EFCAB13: variants seen among roughly 807,000 people sequenced by gnomAD.
EFCAB13 encodes EF-hand calcium-binding domain-containing protein 13.
EFCAB13 carries 91 observed loss-of-function variants against 110.2 expected under a neutral mutation model. That is an observed-to-expected ratio of 0.83 (90% confidence interval 0.70 to 0.98). EFCAB13 has a LOEUF of 0.98. Among genes scored for constraint, EFCAB13 ranks in the 50% least tolerant of loss-of-function variants. The pLI, the probability that EFCAB13 is intolerant of heterozygous loss-of-function variation, is 0.00. For missense variants in EFCAB13, 968 were observed against 1,119.4 expected (o/e 0.86, Z 1.93); for synonymous variants, 323 against 369.9 (o/e 0.87, Z 1.45).
chr17:47,368,222 A>G (rs2065559966), intron 10 of EFCAB13, among the ~76,000 whole-genome samples: 1 of 152,220 alleles, frequency 6.6e-6, no homozygotes, highest in Admixed American at 6.5e-5. Flanking sequence ...ATTTTGGAAG[A>G]GAAGAACAAA....
intron 17 of EFCAB13, among the ~76,000 whole-genome samples, chr17:47,398,031 GCCC>G (rs2065754381): frequency 7.6e-6 from 1 of 131,454 alleles, no homozygotes; most frequent in African/African-American, 3.3e-5. Flanking sequence ...ATCAGCCCCT[GCCC>G]GGCCAGCCGC....
intron 17 of EFCAB13, among the ~76,000 whole-genome samples, chr17:47,400,351 C>T (rs1420446810): frequency 6.6e-6 from 1 of 152,152 alleles, no homozygotes; most frequent in Non-Finnish European, 1.5e-5. Flanking sequence ...CAGCTCTATC[C>T]ATCCACATTT....
At chr17:47,329,649 T>C (rs1473360020) in intron 4 of EFCAB13, among the ~76,000 whole-genome samples, 1 of 152,158 alleles carries the variant, frequency 6.6e-6, no homozygotes, top group Non-Finnish European at 1.5e-5. Flanking sequence ...AATTTATACT[T>C]CACAGATGGC....
At chr17:47,329,620 T>G (rs1567778198) in intron 4 of EFCAB13, among the ~76,000 whole-genome samples, 1 of 152,194 alleles carries the variant, frequency 6.6e-6, no homozygotes, top group Non-Finnish European at 1.5e-5. Context: ...CATACCGGTT[T>G]GTTTTCCTTA....
Position 47,441,252 on chromosome 17 carries a change from T to C in EFCAB13, c.*538T>C, listed in dbSNP as rs1474557376. On this transcript the variant is annotated 3_prime_UTR_variant, in exon 25 of 25. Coordinates refer to ENST00000331493, the MANE Select transcript of EFCAB13 (RefSeq NM_152347.5). ...AACCCTCCCTAGAAAAAATGGATTC[T>C]GATTGGTTCTGGTTGCAGTATTACA... 6.6e-6 allele frequency: 1 copy of C among 152,234 alleles called. No individual in the cohort carries two copies. Among genetic ancestry groups the C allele is most frequent in the Admixed American group, 6.6e-5 (1 of 15,254 alleles). 9.4% of individuals were successfully genotyped at this position (152,234 alleles called of 1,614,324 possible).
rs2065283280 is a variant in EFCAB13 at position 47,325,958 on chromosome 17, ATATAG to A, written c.-247-267_-247-263del. On this transcript the variant is annotated intron_variant, in intron 2 of 24. Transcript: ENST00000331493. ...TATATATATATATATATATATATAT[ATATAG>A]CATATATATATTTTGTTCATTGGTA... Among the ~76,000 whole-genome samples, 3 of 115,362 alleles carry A rather than the reference ATATAG, an allele frequency of 2.6e-5. No homozygotes were observed. In the Admixed American group the frequency reaches 2.6e-4, roughly 10 times the overall value. The allele number at this position is 115,362 out of a possible 152,430, so 75.7% of individuals were successfully genotyped here. A position where few individuals can be genotyped will look rare whatever the true frequency, so the allele number is the denominator to read the frequency against.
intron 14 of EFCAB13, among the ~76,000 whole-genome samples, chr17:47,384,145 GTTT>G (rs759808835): frequency 1.6e-5 from 2 of 128,878 alleles, no homozygotes; most frequent in African/African-American, 5.7e-5. Context: ...GCAACCCCCA[GTTT>G]TTTTTTTTTG....
chr17:47,369,343 A>AT (rs2065568260), intron 10 of EFCAB13, among the ~76,000 whole-genome samples: 1 of 152,028 alleles, frequency 6.6e-6, no homozygotes, highest in South Asian at 2.1e-4. Context: ...TCAATTGTGT[A>AT]TTTTTTTCCA....
At position 47,351,042 on chromosome 17, in the gene EFCAB13, AT is replaced by A. The variant is rs879632092; in HGVS notation, c.661+3096del. Among the ~76,000 whole-genome samples the A allele has an allele frequency of 1.0e-3, 152 of 152,046 alleles. No individual in the cohort carries two copies. The Middle Eastern group carries it at 0.017, about 17-fold the overall frequency. ...AGTTATATATTTTACTTATTAAGTA[AT>A]TTTTCATCCTTCACCCCCTTCCCAC... On this transcript the variant is annotated intron_variant, in intron 9 of 24. Coordinates refer to ENST00000331493, the MANE Select transcript of EFCAB13 (RefSeq NM_152347.5).
intron 11 of EFCAB13, among the ~76,000 whole-genome samples, chr17:47,371,029 C>T (rs1260402680): frequency 1.4e-5 from 2 of 148,124 alleles, no homozygotes; most frequent in East Asian, 4.0e-4. Context: ...CGTGAGCCAC[C>T]GCGTCTGGCT....
At chr17:47,399,669 T>A (rs1256576805) in intron 17 of EFCAB13, among the ~76,000 whole-genome samples, 1 of 151,980 alleles carries the variant, frequency 6.6e-6, no homozygotes, top group Non-Finnish European at 1.5e-5. Context: ...AACAACTGAT[T>A]CAGATTCTCT....
chr17:47,368,751 AG>A (rs1467298352), intron 10 of EFCAB13, among the ~76,000 whole-genome samples: 1 of 152,238 alleles, frequency 6.6e-6, no homozygotes, highest in Admixed American at 6.5e-5. Flanking sequence ...TAATAAGTAT[AG>A]AAAAATCTTC....
intron 20 of EFCAB13, 67 bp downstream of exon 20, chr17:47,404,700 AAACCC>A: frequency 8.0e-7 from 1 of 1,257,744 alleles, no homozygotes; most frequent in African/African-American, 1.5e-5. Context: ...TCACCTAGTA[AAACCC>A]TAAATTTGGT....
chr17:47,404,556 T>C lies in EFCAB13; in HGVS notation c.2162-6T>C, dbSNP rs763365718. On this transcript the variant is annotated splice_region_variant and splice_polypyrimidine_tract_variant and intron_variant, in intron 19 of 24. Coordinates refer to ENST00000331493, the MANE Select transcript of EFCAB13 (RefSeq NM_152347.5). Reference sequence around the variant, plus strand: ...CTTGTTTGTCATCTCTCTCTTTTCCTTGCAGAAGATAACATGGTGAACATT... The same window carrying C: ...CTTGTTTGTCATCTCTCTCTTTTCCCTGCAGAAGATAACATGGTGAACATT... The C allele has an allele frequency of 6.2e-7, 1 of 1,610,266 alleles. No homozygotes were observed. The highest frequency in any genetic ancestry group is 1.1e-5 in the South Asian group (1 of 90,354).
At chr17:47,349,008 ACAAGTCAAAGTAGTT>A (rs915589379) in intron 9 of EFCAB13, among the ~76,000 whole-genome samples, 2 of 152,220 alleles carry the variant, frequency 1.3e-5, no homozygotes, top group Admixed American at 1.3e-4. Context: ...ATATCAGAAA[ACAAGTCAAAGTAGTT>A]CATTAAAATT....
intron 10 of EFCAB13, among the ~76,000 whole-genome samples, chr17:47,367,487 C>T (rs113109264): frequency 1.1e-4 from 16 of 152,322 alleles, no homozygotes; most frequent in South Asian, 4.1e-4. Flanking sequence ...TTGGAGGGGA[C>T]GTAGGACGCC....
intron 14 of EFCAB13, 69 bp downstream of exon 14, chr17:47,379,322 C>A (rs2065633679): frequency 1.6e-6 from 2 of 1,233,392 alleles, no homozygotes; most frequent in Non-Finnish European, 2.4e-6. Flanking sequence ...TTAGGTTCAA[C>A]AGAACTGGGC....
At chr17:47,344,341 G>A in intron 7 of EFCAB13, 49 bp downstream of exon 7, 4 of 1,577,776 alleles carry the variant, frequency 2.5e-6, no homozygotes, top group Non-Finnish European at 1.7e-6. Flanking sequence ...TTCAGACTTG[G>A]GTGTTTCTCT....
intron 9 of EFCAB13, among the ~76,000 whole-genome samples, chr17:47,357,635 G>T (rs572947925): frequency 2.0e-5 from 3 of 152,128 alleles, no homozygotes; most frequent in Non-Finnish European, 4.4e-5. Context: ...GGCTGGTCTC[G>T]AACTCCTAAC....
Sources: gnomAD v4.1 joint callset for allele counts (sites outside exome capture counted in the v4.1 genomes callset) on GRCh38, gnomAD v4.1.1 for gene constraint, MANE v1.5 for transcripts, NCBI Gene and HGNC (gene_info 2026-07-23, HGNC 2026-07-21) for gene names.